The following GPR83 variants were observed in gnomAD, a reference collection of about 807,000 sequenced individuals.
GPR83 encodes the protein G protein-coupled receptor 83.
In GPR83, 23 loss-of-function variants were observed where a neutral mutation model predicts 28.0. That is an observed-to-expected ratio of 0.82 (90% CI 0.59 to 1.16). The LOEUF is 1.16. Ranked by LOEUF, GPR83 falls within the 50% of genes most tolerant of loss-of-function variation. The probability of loss-of-function intolerance (pLI) is 0.00; values close to 1 mark genes in which losing one functional copy is unlikely to be tolerated. For missense variants in GPR83, 610 were observed against 536.6 expected, an observed-to-expected ratio of 1.14 and a Z score of -1.35; for synonymous variants, 234 against 215.4, an observed-to-expected ratio of 1.09 and a Z score of -0.76.
At chr11:94,382,888 G>A (rs934821731) in intron 3 of GPR83, among the ~76,000 whole-genome samples, 1 of 152,012 alleles carries the variant, frequency 6.6e-6, no homozygotes, top group Non-Finnish European at 1.5e-5. Context: ...CTCAAGGCCG[G>A]GCACGGTGGC....
At chr11:94,383,669 A>G (rs1944716778) in intron 3 of GPR83, among the ~76,000 whole-genome samples, 1 of 152,246 alleles carries the variant, frequency 6.6e-6, no homozygotes, top group African/African-American at 2.4e-5. Flanking sequence ...CTGATCCCAC[A>G]GAAATACAAA....
intron 1 of GPR83, among the ~76,000 whole-genome samples, chr11:94,397,820 G>T (rs1038496209): frequency 6.6e-5 from 10 of 152,328 alleles, no homozygotes; most frequent in Admixed American, 2.0e-4. Flanking sequence ...GGACCTGTTT[G>T]GGGAATAAGG....
intron 3 of GPR83, among the ~76,000 whole-genome samples, chr11:94,385,111 A>G (rs925973332): frequency 6.6e-6 from 1 of 152,150 alleles, no homozygotes. Context: ...CCTCCGGCAA[A>G]CTCCAACAGA....
At chr11:94,381,238 T>C (rs1044343927) in intron 3 of GPR83, among the ~76,000 whole-genome samples, 24 of 152,160 alleles carry the variant, frequency 1.6e-4, no homozygotes, top group African/African-American at 4.6e-4. Context: ...CAGCCACTCA[T>C]AGAACAAGTA....
rs1944910938 is a variant in GPR83 at position 94,401,362 on chromosome 11, C to G, written c.-115G>C. ...CAGCATACAAGGCCGTCCCGAGGAG[C>G]CAGGGAGCCCGGACGCGCGGAGCAC... On this transcript the variant is annotated 5_prime_UTR_variant, in exon 1 of 4. Coordinates refer to ENST00000243673, the MANE Select transcript of GPR83 (RefSeq NM_016540.4). 5 of 1,025,578 alleles carry G rather than the reference C, an allele frequency of 4.9e-6. No homozygotes were observed. In the East Asian group the frequency reaches 1.5e-4, roughly 31 times the overall value. 63.5% of individuals were successfully genotyped at this position (1,025,578 alleles called of 1,614,324 possible).
At chr11:94,399,756 T>C (rs932346210) in intron 1 of GPR83, among the ~76,000 whole-genome samples, 3 of 152,142 alleles carry the variant, frequency 2.0e-5, no homozygotes, top group Non-Finnish European at 2.9e-5. Flanking sequence ...AATGACAAAG[T>C]TATTCCATAA....
chr11:94,383,544 G>C (rs1944715290), intron 3 of GPR83, among the ~76,000 whole-genome samples: 1 of 152,114 alleles, frequency 6.6e-6, no homozygotes, highest in African/African-American at 2.4e-5. Context: ...GTGAAACCAG[G>C]AGCTGGTTTT....
chr11:94,394,628 CT>C (rs1944848970), intron 2 of GPR83, among the ~76,000 whole-genome samples: 1 of 151,944 alleles, frequency 6.6e-6, no homozygotes, highest in African/African-American at 2.4e-5. Context: ...GTGTCTCGAG[CT>C]TTTTTTTAAT....
chr11:94,394,045 G>A (rs760972688), intron 2 of GPR83, among the ~76,000 whole-genome samples: 13 of 152,082 alleles, frequency 8.5e-5, no homozygotes, highest in Non-Finnish European at 1.2e-4. Context: ...CATCTGCCCC[G>A]CTGGTCATAC....
intron 3 of GPR83, among the ~76,000 whole-genome samples, chr11:94,386,036 C>T (rs1944751315): frequency 6.6e-6 from 1 of 152,062 alleles, no homozygotes. Flanking sequence ...AGAGTGGGGG[C>T]CAATATTCAA....
chr11:94,391,113 T>C (rs1351235504), intron 3 of GPR83, among the ~76,000 whole-genome samples: 1 of 152,170 alleles, frequency 6.6e-6, no homozygotes, highest in Non-Finnish European at 1.5e-5. Context: ...ATGTTGCTGG[T>C]ACCAAAACAG....
chr11:94,385,980 T>C (rs573688055), intron 3 of GPR83, among the ~76,000 whole-genome samples: 2 of 152,184 alleles, frequency 1.3e-5, no homozygotes, highest in Non-Finnish European at 2.9e-5. Flanking sequence ...GGGAAGCCCA[T>C]CAGACTAACA....
intron 3 of GPR83, among the ~76,000 whole-genome samples, chr11:94,385,712 C>A (rs1392541363): frequency 6.6e-6 from 1 of 152,202 alleles, no homozygotes; most frequent in Non-Finnish European, 1.5e-5. Context: ...AAGACCAAAT[C>A]TATGTCTGAT....
Position 94,401,340 on chromosome 11 carries a change from C to T in GPR83, c.-93G>A. 7.9e-7 allele frequency: 1 copy of T among 1,272,206 alleles called. No individual in the cohort carries two copies. The highest frequency in any genetic ancestry group is 1.6e-5 in the South Asian group (1 of 63,620). 78.8% of individuals were successfully genotyped at this position (1,272,206 alleles called of 1,614,324 possible). On this transcript the variant is annotated 5_prime_UTR_variant, in exon 1 of 4. The change abolishes an upstream ATG in the 5' untranslated region. Transcript: ENST00000243673. ...CGCAGCCGGGGTGCGGGGCGCACAG[C>T]ATACAAGGCCGTCCCGAGGAGCCAG...
chr11:94,382,343 CAAAAAAAAAAAAAA>C (rs57302833), intron 3 of GPR83, among the ~76,000 whole-genome samples: 3 of 67,302 alleles, frequency 4.5e-5, no homozygotes, highest in Non-Finnish European at 2.6e-5. Context: ...AACACCATCT[CAAAAAAAAAAAAAA>C]AAAAAAAAAA....
Position 94,377,895 on chromosome 11 carries a change from T to G in GPR83, c.*2254A>C, listed in dbSNP as rs764270266. On this transcript the variant is annotated 3_prime_UTR_variant, in exon 4 of 4. Coordinates refer to ENST00000243673, the MANE Select transcript of GPR83 (RefSeq NM_016540.4). Reference sequence around the variant, plus strand: ...GTAAGTCAAGGAGCTTCTGTATTCCTAGACACCCTCAGAGAGGAGTGAAGT... The same window carrying G: ...GTAAGTCAAGGAGCTTCTGTATTCCGAGACACCCTCAGAGAGGAGTGAAGT... 2 of 152,232 alleles carry G rather than the reference T, an allele frequency of 1.3e-5. No individual in the cohort carries two copies. Among genetic ancestry groups the G allele is most frequent in the Non-Finnish European group, 2.9e-5 (2 of 68,050 alleles). 9.4% of individuals were successfully genotyped at this position (152,232 alleles called of 1,614,324 possible). A position where few individuals can be genotyped will look rare whatever the true frequency, so the allele number is the denominator to read the frequency against.
intron 3 of GPR83, among the ~76,000 whole-genome samples, chr11:94,384,053 C>A (rs940738208): frequency 3.3e-5 from 5 of 152,128 alleles, no homozygotes; most frequent in Non-Finnish European, 7.3e-5. Flanking sequence ...TACAGGCCAA[C>A]ATCCCTGAGG....
chr11:94,389,439 G>A (rs1443901424), intron 3 of GPR83, among the ~76,000 whole-genome samples: 12 of 152,038 alleles, frequency 7.9e-5, no homozygotes, highest in Non-Finnish European at 1.5e-4. Flanking sequence ...ACAAAGGGCT[G>A]ATATCCAGAA....
At chr11:94,390,684 C>A (rs1216749195) in intron 3 of GPR83, among the ~76,000 whole-genome samples, 1 of 152,072 alleles carries the variant, frequency 6.6e-6, no homozygotes, top group Non-Finnish European at 1.5e-5. Context: ...CAATAACAGA[C>A]AAACAGAGAG....
Sources: allele counts gnomAD v4.1 joint callset (sites outside exome capture counted in the v4.1 genomes callset), GRCh38; gene constraint gnomAD v4.1.1; transcripts MANE v1.5; gene names NCBI Gene and HGNC (gene_info 2026-07-23, HGNC 2026-07-21).